Variants in MED13L observed in about 807,000 individuals in gnomAD.
MED13L encodes the protein mediator complex subunit 13L.
MED13L carries 7 observed loss-of-function variants against 220.9 expected under a neutral mutation model. The ratio of observed to expected loss-of-function variants is 0.03; its 90% CI spans 0.02 to 0.06. The LOEUF (loss-of-function observed/expected upper bound fraction) is 0.06, where lower values mean the gene tolerates loss of function less well. Ranked by LOEUF, MED13L falls within the 10% of genes least tolerant of loss-of-function variation. The probability of loss-of-function intolerance (pLI) is 1.00; values close to 1 mark genes in which losing one functional copy is unlikely to be tolerated. For synonymous variants in MED13L, 1,011 were observed against 1,015.2 expected (o/e 1.00, Z 0.08); for missense variants, 1,965 against 2,760.5 (o/e 0.71, Z 6.46).
At chr12:116,016,831 T>C (rs1165867665) in intron 7 of MED13L, among the ~76,000 whole-genome samples, 1 of 152,230 alleles carries the variant, frequency 6.6e-6, no homozygotes, top group Non-Finnish European at 1.5e-5. Context: ...CAAGTGGATA[T>C]ACCAATCCAA....
At chr12:115,979,639 G>C (rs991581106) in intron 23 of MED13L, among the ~76,000 whole-genome samples, 1 of 152,170 alleles carries the variant, frequency 6.6e-6, no homozygotes, top group Non-Finnish European at 1.5e-5. Flanking sequence ...TTATAAAAGT[G>C]CAAGCATTTC....
intron 4 of MED13L, among the ~76,000 whole-genome samples, chr12:116,062,371 C>G (rs562104775): frequency 6.6e-6 from 1 of 152,020 alleles, no homozygotes; most frequent in African/African-American, 2.4e-5. Context: ...CCAGGCTTGT[C>G]TCGAACACCT....
At chr12:116,233,090 G>GAAAAAAAAAAAAAAAAAAAAAAAAAAA (rs530903194) in intron 2 of MED13L, among the ~76,000 whole-genome samples, 1 of 82,950 alleles carries the variant, frequency 1.2e-5, no homozygotes, top group Non-Finnish European at 2.5e-5. Context: ...CTGTCTAAAG[G>GAAAAAAAAAAAAAAAAAAAAAAAAAAA]AAAAAAAAAA....
chr12:116,237,295 GA>G (rs1163244331), intron 2 of MED13L, among the ~76,000 whole-genome samples, 172 bp downstream of exon 2: 4 of 149,890 alleles, frequency 2.7e-5, no homozygotes, highest in Non-Finnish European at 5.9e-5. Flanking sequence ...CAAGAGTTAG[GA>G]AAAAAAAACA....
intron 4 of MED13L, among the ~76,000 whole-genome samples, chr12:116,034,283 AGATGCT>A (rs1388298149): frequency 6.6e-6 from 1 of 152,118 alleles, no homozygotes; most frequent in East Asian, 1.9e-4. Context: ...TGCCATAGGT[AGATGCT>A]ACATTAGAGT....
chr12:116,068,615 G>A (rs1311363779), intron 4 of MED13L, among the ~76,000 whole-genome samples: 2 of 152,140 alleles, frequency 1.3e-5, no homozygotes, highest in Non-Finnish European at 2.9e-5. Context: ...ATTGCCCTAG[G>A]ATTGGCAACA....
chr12:116,190,888 TC>T (rs1881228692), intron 2 of MED13L, among the ~76,000 whole-genome samples: 1 of 151,990 alleles, frequency 6.6e-6, no homozygotes, highest in Non-Finnish European at 1.5e-5. Context: ...GGTCAGAAGT[TC>T]GAGACCAGCC....
At chr12:116,105,833 C>G (rs1039500735) in intron 3 of MED13L, among the ~76,000 whole-genome samples, 4 of 152,124 alleles carry the variant, frequency 2.6e-5, no homozygotes, top group African/African-American at 9.7e-5. Flanking sequence ...GGCCATGTAC[C>G]TTGGGTATCT....
chr12:115,989,345 T>C (rs899040789), intron 17 of MED13L, among the ~76,000 whole-genome samples: 1 of 152,118 alleles, frequency 6.6e-6, no homozygotes, highest in South Asian at 2.1e-4. Context: ...TTCCTCTTTC[T>C]TGAAACACTG....
chr12:116,054,611 G>A (rs147541977), intron 4 of MED13L, among the ~76,000 whole-genome samples: 20 of 152,210 alleles, frequency 1.3e-4, no homozygotes, highest in South Asian at 8.3e-4. Context: ...GATACTTAAC[G>A]GTAATGACTC....
chr12:116,125,191 C>T (rs1875471447), intron 2 of MED13L, among the ~76,000 whole-genome samples: 2 of 152,084 alleles, frequency 1.3e-5, no homozygotes, highest in Admixed American at 6.6e-5. Context: ...AATTATGTAG[C>T]CAGGCAATGT....
intron 1 of MED13L, among the ~76,000 whole-genome samples, chr12:116,249,326 T>C (rs1021218199): frequency 1.3e-5 from 2 of 152,180 alleles, no homozygotes; most frequent in Admixed American, 1.3e-4. Flanking sequence ...AAAAAAAGTA[T>C]GCTAATAATA....
intron 5 of MED13L, among the ~76,000 whole-genome samples, chr12:116,020,193 A>T (rs964375970): frequency 6.6e-6 from 1 of 152,140 alleles, no homozygotes; most frequent in African/African-American, 2.4e-5. Flanking sequence ...TTGAACTCCC[A>T]GGCTCAAGTG....
In MED13L at chr12:116,161,948, C is replaced by T. The variant is rs375618663; in HGVS notation, c.311-50436G>A. 4.6e-5 allele frequency among the ~76,000 whole-genome samples: 7 copies of T among 151,950 alleles called. No homozygotes were observed. The East Asian group carries it at 7.7e-4, about 17-fold the overall frequency. On this transcript the variant is annotated intron_variant, in intron 2 of 30. Transcript: ENST00000281928. ...GAATATCTAACAAGTTCTTAGGTGA[C>T]GGGGGCAGGGGGGCAAAGAAAAGAA...
At chr12:116,147,131 C>T (rs1877594976) in intron 2 of MED13L, among the ~76,000 whole-genome samples, 1 of 152,126 alleles carries the variant, frequency 6.6e-6, no homozygotes, top group South Asian at 2.1e-4. Context: ...ATTTATTATG[C>T]AAACTGTGCT....
At chr12:116,232,121 C>G in intron 2 of MED13L, 1 of 985,334 alleles carries the variant, frequency 1.0e-6, no homozygotes, top group Non-Finnish European at 1.2e-6. Flanking sequence ...AATGTTTTTA[C>G]AATCGCCCAC....
intron 1 of MED13L, among the ~76,000 whole-genome samples, chr12:116,250,776 CAAAAAAAAA>C (rs772459455): frequency 6.5e-5 from 5 of 76,800 alleles, no homozygotes; most frequent in Non-Finnish European, 9.8e-5. Context: ...GACTCCTCCT[CAAAAAAAAA>C]AAAAAAAAAA....
intron 2 of MED13L, among the ~76,000 whole-genome samples, chr12:116,235,485 G>T (rs1488950614): frequency 6.6e-6 from 1 of 152,028 alleles, no homozygotes; most frequent in Non-Finnish European, 1.5e-5. Context: ...AACTCTTTCA[G>T]ACTTCAGTAT....
intron 4 of MED13L, chr12:116,082,526 T>C (rs1269846880): frequency 6.6e-6 from 1 of 152,176 alleles, no homozygotes; most frequent in Non-Finnish European, 1.5e-5. Flanking sequence ...CTCTCTCATC[T>C]TACTATTAAA....
Sources: allele counts gnomAD v4.1 joint callset (sites outside exome capture counted in the v4.1 genomes callset), GRCh38; gene constraint gnomAD v4.1.1; transcripts MANE v1.5; gene names NCBI Gene and HGNC (gene_info 2026-07-23, HGNC 2026-07-21).